Variants in SDK1 observed in about 807,000 individuals in gnomAD.
SDK1 encodes sidekick cell adhesion molecule 1.
A neutral mutation model predicts 245.5 loss-of-function variants in SDK1; 157 were observed. That is an observed-to-expected ratio of 0.64 (90% CI 0.56 to 0.73). The LOEUF (loss-of-function observed/expected upper bound fraction) is 0.73, where lower values mean the gene tolerates loss of function less well. Ranked by LOEUF, SDK1 falls within the 30% of genes least tolerant of loss-of-function variation. The pLI is 0.00. For missense variants in SDK1, 3,583 were observed against 3,002.3 expected, an observed-to-expected ratio of 1.19 and a Z score of -4.52; for synonymous variants, 1,647 against 1,278.5, an observed-to-expected ratio of 1.29 and a Z score of -6.15.
chr7:3,550,350 C>G (rs1176131402), intron 1 of SDK1, among the ~76,000 whole-genome samples: 1 of 152,098 alleles, frequency 6.6e-6, no homozygotes, highest in East Asian at 1.9e-4. Flanking sequence ...AATGTAGTCT[C>G]CAGATGAATT....
intron 25 of SDK1, 110 bp downstream of exon 25, chr7:4,114,384 G>C (rs1045608531): frequency 7.1e-6 from 6 of 840,426 alleles, no homozygotes; most frequent in Non-Finnish European, 1.1e-5. Context: ...TGTCCCACTT[G>C]TGTCTGTCTT....
intron 25 of SDK1, among the ~76,000 whole-genome samples, chr7:4,126,852 C>T (rs1443861888): frequency 6.6e-6 from 1 of 152,190 alleles, no homozygotes; most frequent in Non-Finnish European, 1.5e-5. Flanking sequence ...GGTAACGATA[C>T]CTACTTCATT....
chr7:3,999,297 C>G (rs80145299), intron 14 of SDK1, among the ~76,000 whole-genome samples: 1 of 152,224 alleles, frequency 6.6e-6, no homozygotes, highest in Non-Finnish European at 1.5e-5. Context: ...CATCCACTCC[C>G]TCCTGAGAGC....
intron 4 of SDK1, among the ~76,000 whole-genome samples, chr7:3,796,843 T>A (rs1347890838): frequency 6.6e-6 from 1 of 152,164 alleles, no homozygotes; most frequent in Non-Finnish European, 1.5e-5. Context: ...GAGACTAAAG[T>A]TATCAATGTT....
intron 4 of SDK1, among the ~76,000 whole-genome samples, chr7:3,776,756 A>G (rs182357459): frequency 2.8e-4 from 42 of 152,188 alleles, no homozygotes; most frequent in Non-Finnish European, 5.1e-4. Context: ...TTGCCTGCCA[A>G]TAGAATAGTT....
chr7:4,233,349 C>T lies in SDK1; in HGVS notation c.5922C>T (p.Tyr1974=), dbSNP rs377413537. The change falls in exon 41 of 45, where the codon TAC becomes TAT. Residue 1974 remains tyrosine, a synonymous_variant. Coordinates refer to ENST00000404826, the MANE Select transcript of SDK1 (RefSeq NM_152744.4). ...ATAAGCTCCGGCAAGGAGTGACTTA[C>T]GAGTTCCGGGTGGTGGCTGTGAATG... ...SLDKLRQGVT[Y]EFRVVAVNEA... is the part of the protein sequence containing the mutation. The T allele has an allele frequency of 3.2e-5, 51 of 1,613,766 alleles. No individual in the cohort carries two copies. In the African/African-American group the frequency reaches 4.5e-4, roughly 14 times the overall value.
chr7:3,904,558 G>A (rs1411688738), intron 5 of SDK1, among the ~76,000 whole-genome samples: 1 of 152,098 alleles, frequency 6.6e-6, no homozygotes, highest in Non-Finnish European at 1.5e-5. Flanking sequence ...TAGCAGACAT[G>A]GTGGTGCACA....
At position 3,596,376 on chromosome 7, in the gene SDK1, G is replaced by A. The variant is rs185792072; in HGVS notation, c.299-22704G>A. On this transcript the variant is annotated intron_variant, in intron 1 of 44. Coordinates refer to ENST00000404826, the MANE Select transcript of SDK1 (RefSeq NM_152744.4). ...AACAAACCACAGTCATTGTGGTAAAGTTGCTCGAGGCAGTGACTGAGGAAA... is the reference window on the plus strand; with the variant it reads ...AACAAACCACAGTCATTGTGGTAAAATTGCTCGAGGCAGTGACTGAGGAAA... Among the ~76,000 whole-genome samples, 5 of 152,342 alleles carry A rather than the reference G, an allele frequency of 3.3e-5. 1 individual carries two copies. The highest frequency in any genetic ancestry group is 1.2e-4 in the African/African-American group (5 of 41,576).
At chr7:3,622,928 C>G (rs954517985) in intron 2 of SDK1, among the ~76,000 whole-genome samples, 1 of 151,888 alleles carries the variant, frequency 6.6e-6, no homozygotes, top group African/African-American at 2.4e-5. Flanking sequence ...TAAAACCTGT[C>G]TAAAAATCTC....
At chr7:3,756,067 G>C (rs1266915551) in intron 4 of SDK1, among the ~76,000 whole-genome samples, 2 of 147,738 alleles carry the variant, frequency 1.4e-5, no homozygotes, top group Non-Finnish European at 3.0e-5. Flanking sequence ...TTTTAAATCT[G>C]ACTCCTTTCA....
Position 4,267,455 on chromosome 7 carries a change from A to T in SDK1, c.*2071A>T. ...AGAATCGCAACCCACAGTTCCCCGG[A>T]TGAGACTCACCACAGTGGACAGTGC... On this transcript the variant is annotated 3_prime_UTR_variant, in exon 45 of 45. Coordinates refer to ENST00000404826, the MANE Select transcript of SDK1 (RefSeq NM_152744.4). The T allele has an allele frequency of 1.2e-5, 12 of 985,392 alleles. No individual in the cohort carries two copies. The highest frequency in any genetic ancestry group is 1.4e-5 in the Non-Finnish European group (12 of 829,956). 61.0% of individuals were successfully genotyped at this position (985,392 alleles called of 1,614,324 possible). A position where few individuals can be genotyped will look rare whatever the true frequency, so the allele number is the denominator to read the frequency against.
chr7:3,959,246 C>T (rs1462298170), intron 8 of SDK1, among the ~76,000 whole-genome samples: 1 of 152,052 alleles, frequency 6.6e-6, no homozygotes, highest in African/African-American at 2.4e-5. Flanking sequence ...CCCAGCAGAG[C>T]AAAAAGGAAG....
chr7:3,419,902 G>A (rs1056820127), intron 1 of SDK1, among the ~76,000 whole-genome samples: 2 of 152,164 alleles, frequency 1.3e-5, no homozygotes, highest in Non-Finnish European at 2.9e-5. Context: ...GAAAAGCAAA[G>A]ATAAATAAGT....
chr7:3,301,974 C>T (rs1194322613), intron 1 of SDK1, 90 bp downstream of exon 1: 18 of 966,964 alleles, frequency 1.9e-5, no homozygotes, highest in South Asian at 4.8e-5. Context: ...GGGGTCCCCC[C>T]GCTTCCCGGC....
intron 1 of SDK1, among the ~76,000 whole-genome samples, chr7:3,557,445 A>G (rs1055241726): frequency 1.3e-5 from 2 of 152,188 alleles, no homozygotes; most frequent in Admixed American, 1.3e-4. Flanking sequence ...GGTAGTGGCT[A>G]TGGTCACAAA....
chr7:3,713,849 C>A (rs778761589), intron 4 of SDK1, among the ~76,000 whole-genome samples: 2 of 152,160 alleles, frequency 1.3e-5, no homozygotes, highest in Non-Finnish European at 2.9e-5. Context: ...AGTCCTATAT[C>A]AAGTAATCAT....
intron 1 of SDK1, among the ~76,000 whole-genome samples, chr7:3,613,427 T>C (rs73039613): frequency 0.014 from 2,194 of 152,316 alleles, 21 homozygotes; most frequent in Middle Eastern, 0.041. Flanking sequence ...TGATGTTGTG[T>C]AAGCCTTCCT....
At chr7:3,472,332 T>C (rs1781210414) in intron 1 of SDK1, among the ~76,000 whole-genome samples, 1 of 152,228 alleles carries the variant, frequency 6.6e-6, no homozygotes, top group Admixed American at 6.5e-5. Context: ...TGTGCAATTT[T>C]ATTGTGCTTC....
intron 5 of SDK1, among the ~76,000 whole-genome samples, chr7:3,918,191 C>T (rs957423886): frequency 3.9e-5 from 6 of 152,146 alleles, no homozygotes; most frequent in South Asian, 2.1e-4. Flanking sequence ...CTCAACACCG[C>T]GGTACCCTGG....
Sources: gnomAD v4.1 joint callset for allele counts (sites outside exome capture counted in the v4.1 genomes callset) on GRCh38, gnomAD v4.1.1 for gene constraint, MANE v1.5 for transcripts, NCBI Gene and HGNC (gene_info 2026-07-23, HGNC 2026-07-21) for gene names.